The following KCNK9 variants were observed in gnomAD, a reference collection of about 807,000 sequenced individuals.
KCNK9 encodes the protein potassium channel subfamily K member 9.
KCNK9 carries 1 observed loss-of-function variant against 10.8 expected under a neutral mutation model. The observed-to-expected ratio is 0.09, with a 90% CI of 0.03 to 0.44. The LOEUF (loss-of-function observed/expected upper bound fraction) is 0.44. Among genes scored for constraint, KCNK9 ranks in the 20% least tolerant of loss-of-function variants. KCNK9 has a pLI of 0.97. For synonymous variants in KCNK9, 231 were observed against 222.7 expected, an observed-to-expected ratio of 1.04 and a Z score of -0.33; for missense variants, 303 against 515.0, an observed-to-expected ratio of 0.59 and a Z score of 3.98.
intron 1 of KCNK9, among the ~76,000 whole-genome samples, chr8:139,699,248 C>T (rs1166487891): frequency 6.6e-6 from 1 of 152,146 alleles, no homozygotes; most frequent in East Asian, 1.9e-4. Context: ...TCTGTTGGAT[C>T]GTGGGGAGAG....
chr8:139,615,596 A>ATGTT (rs1461183771), downstream of KCNK9, among the ~76,000 whole-genome samples: 1 of 152,128 alleles, frequency 6.6e-6, no homozygotes, highest in African/African-American at 2.4e-5. Context: ...ATAAACAAGG[A>ATGTT]TGTTTAACTT....
chr8:139,634,429 T>G (rs1428339953), intron 1 of KCNK9, among the ~76,000 whole-genome samples: 2 of 152,112 alleles, frequency 1.3e-5, no homozygotes, highest in East Asian at 3.9e-4. Flanking sequence ...CCAATCCACC[T>G]TTCCTGGAGC....
chr8:139,624,909 G>A (rs976990077), intron 1 of KCNK9, among the ~76,000 whole-genome samples: 42 of 152,242 alleles, frequency 2.8e-4, no homozygotes, highest in Non-Finnish European at 3.7e-4. Flanking sequence ...AGCTGACTCT[G>A]TCCTGGGCAC....
intron 1 of KCNK9, among the ~76,000 whole-genome samples, chr8:139,696,550 G>C (rs967556010): frequency 6.6e-6 from 1 of 152,128 alleles, no homozygotes; most frequent in African/African-American, 2.4e-5. Context: ...ACCAGCACAG[G>C]GCTCCCACCC....
chr8:139,611,428 G>A (rs1472857326), downstream of KCNK9: 3 of 152,344 alleles, frequency 2.0e-5, no homozygotes, highest in Admixed American at 6.5e-5. Context: ...GGCGAGAAGA[G>A]CGTGTGCTTG....
intron 1 of KCNK9, among the ~76,000 whole-genome samples, chr8:139,655,789 G>A (rs1279507737): frequency 1.3e-5 from 2 of 152,164 alleles, no homozygotes; most frequent in African/African-American, 4.8e-5. Flanking sequence ...AAGTGGACAT[G>A]GTGGACACCC....
chr8:139,648,732 G>A (rs565532231), intron 1 of KCNK9, among the ~76,000 whole-genome samples: 1 of 152,326 alleles, frequency 6.6e-6, no homozygotes, highest in Non-Finnish European at 1.5e-5. Flanking sequence ...CCCTCAAAGA[G>A]CCCACCACCA....
At chr8:139,608,025 G>A (rs1814285449), downstream of KCNK9, among the ~76,000 whole-genome samples, 1 of 152,196 alleles carries the variant, frequency 6.6e-6, no homozygotes, top group South Asian at 2.1e-4. Context: ...GCTAGAAGAG[G>A]CAAGGCTGAG....
rs1440661692 is a variant in KCNK9 at position 139,693,682 on chromosome 8, G to C, written c.283+9028C>G. 6.6e-6 allele frequency among the ~76,000 whole-genome samples: 1 copy of C among 152,168 alleles called. No homozygotes were observed. Among genetic ancestry groups the C allele is most frequent in the Non-Finnish European group, 1.5e-5 (1 of 68,046 alleles). ...GCTCAAGAGGATAAAGGACAATTGG[G>C]GAAAAGAGGAAGGCAGAGCCGGACT... On this transcript the variant is annotated intron_variant, in intron 1 of 1. Coordinates refer to ENST00000520439, the MANE Select transcript of KCNK9 (RefSeq NM_001282534.2). The surrounding 1 kb of genome is among the most constrained non-coding windows in gnomAD (Gnocchi z 4.1).
chr8:139,655,543 G>A (rs1411728270), intron 1 of KCNK9, among the ~76,000 whole-genome samples: 1 of 152,190 alleles, frequency 6.6e-6, no homozygotes, highest in African/African-American at 2.4e-5. Context: ...ACCATCCCAG[G>A]AGGGAGGCAG....
intron 1 of KCNK9, among the ~76,000 whole-genome samples, chr8:139,689,894 A>C (rs1274987978): frequency 6.6e-6 from 1 of 152,130 alleles, no homozygotes; most frequent in Non-Finnish European, 1.5e-5. Flanking sequence ...TGCCCGTCTC[A>C]GCTCCCAAAG....
intron 1 of KCNK9, among the ~76,000 whole-genome samples, chr8:139,695,178 A>G (rs192124312): frequency 1.3e-5 from 2 of 152,350 alleles, no homozygotes; most frequent in Admixed American, 1.3e-4. Context: ...TTTGCTTAGT[A>G]GCACAAAATG....
intron 1 of KCNK9, among the ~76,000 whole-genome samples, chr8:139,620,614 A>C (rs1327320199): frequency 6.6e-6 from 1 of 151,994 alleles, no homozygotes; most frequent in African/African-American, 2.4e-5. Context: ...GGTGGTGTGA[A>C]TATGTGCCAT....
downstream of KCNK9, among the ~76,000 whole-genome samples, chr8:139,610,375 G>T (rs146023018): frequency 9.6e-4 from 146 of 152,342 alleles, no homozygotes; most frequent in African/African-American, 3.4e-3. Context: ...TGTTTTTCAT[G>T]AAATCAATCA....
At chr8:139,700,498 ACACACACACACGCGCGCGCGCG>A (rs1420512954) in intron 1 of KCNK9, among the ~76,000 whole-genome samples, 34 of 137,620 alleles carry the variant, frequency 2.5e-4, no homozygotes, top group African/African-American at 7.4e-4. Flanking sequence ...ACACACACAC[ACACACACACACGCGCGCGCGCG>A]CACACACACA....
downstream of KCNK9, among the ~76,000 whole-genome samples, chr8:139,610,920 C>T (rs1367138709): frequency 6.6e-6 from 1 of 152,200 alleles, no homozygotes; most frequent in East Asian, 1.9e-4. Flanking sequence ...GGAATCTGTG[C>T]CCCCTGTGCT....
intron 1 of KCNK9, among the ~76,000 whole-genome samples, chr8:139,653,383 C>T (rs1182172387): frequency 6.6e-6 from 1 of 152,046 alleles, no homozygotes; most frequent in African/African-American, 2.4e-5. Flanking sequence ...AATTGAGGTC[C>T]CCTACCTGGA....
At chr8:139,687,277 G>A in intron 1 of KCNK9, among the ~76,000 whole-genome samples, 1 of 150,492 alleles carries the variant, frequency 6.6e-6, no homozygotes, top group East Asian at 2.0e-4. Flanking sequence ...ATGACAGGAG[G>A]CTTCTACTTC....
intron 1 of KCNK9, among the ~76,000 whole-genome samples, chr8:139,698,170 C>A (rs1012553411): frequency 1.1e-4 from 16 of 152,196 alleles, no homozygotes; most frequent in Admixed American, 9.2e-4. Flanking sequence ...GAGTTCAAGG[C>A]CCTCTGCCTT....
Sources: allele counts gnomAD v4.1 joint callset (sites outside exome capture counted in the v4.1 genomes callset), GRCh38; gene constraint gnomAD v4.1.1; non-coding constraint Gnocchi (gnomAD v3.1); transcripts MANE v1.5; gene names NCBI Gene and HGNC (gene_info 2026-07-23, HGNC 2026-07-21).